The following FCHSD1 variants were observed in gnomAD, a reference collection of about 807,000 sequenced individuals.
The protein encoded by FCHSD1 is FCH and double SH3 domains 1.
A neutral mutation model predicts 101.3 loss-of-function variants in FCHSD1; 109 were observed. The ratio of observed to expected loss-of-function variants is 1.08; its 90% CI spans 0.92 to 1.26. FCHSD1 has a LOEUF of 1.26. Among genes scored for constraint, FCHSD1 ranks in the 50% most tolerant of loss-of-function variants. FCHSD1 has a pLI of 0.00. For synonymous variants in FCHSD1, 291 were observed against 356.8 expected (o/e 0.82, Z 2.08); for missense variants, 820 against 895.8 (o/e 0.92, Z 1.08).
At position 141,642,517 on chromosome 5, in the gene FCHSD1, T is replaced by G. The variant is rs1347779260; in HGVS notation, c.1951+484A>C. On this transcript the variant is annotated intron_variant, in intron 18 of 19. Transcript: ENST00000435817. ...TACCTCCTGAATCTAAAATAAATAATAAAATAAAACTGCTATAGACATTTA... is the reference window on the plus strand; with the variant it reads ...TACCTCCTGAATCTAAAATAAATAAGAAAATAAAACTGCTATAGACATTTA... The G allele has an allele frequency of 1.3e-5, 7 of 538,762 alleles. No homozygotes were observed. The South Asian group carries it at 1.6e-4, about 12-fold the overall frequency. The allele number at this position is 538,762 out of a possible 1,614,324, so 33.4% of individuals were successfully genotyped here.
chr5:141,645,123 AAGTC>A lies in FCHSD1; in HGVS notation c.1333_1336del (p.Asp445LeufsTer42), dbSNP rs556405536. The A allele has an allele frequency of 2.5e-3, 3,839 of 1,562,282 alleles. 14 individuals carry two copies. Among genetic ancestry groups the A allele is most frequent in the Non-Finnish European group, 2.5e-3 (2,870 of 1,153,514 alleles). On this transcript the variant is annotated frameshift_variant, in exon 14 of 20. Transcript: ENST00000435817. LOFTEE classifies it high-confidence loss of function. Reference sequence around the variant, plus strand: ...CTCTCCCGTCTCCTCACATTCCTCAAAGTCAGAAAGCTCAGCATCCTCAGCCTAG... The same window carrying A: ...CTCTCCCGTCTCCTCACATTCCTCAAAGAAAGCTCAGCATCCTCAGCCTAG...
Position 141,647,420 on chromosome 5 carries a change from C to A in FCHSD1, c.806G>T (p.Arg269Leu), listed in dbSNP as rs368897773. 1.2e-5 allele frequency: 20 copies of A among 1,602,552 alleles called. No homozygotes were observed. The highest frequency in any genetic ancestry group is 1.1e-5 in the South Asian group (1 of 89,962). Reference sequence around the variant, plus strand: ...CACCTGGGAGGTTGTCTGCTCCCCGCGGTGGGCATGCTCCAGGATGACCTC... The same window carrying A: ...CACCTGGGAGGTTGTCTGCTCCCCGAGGTGGGCATGCTCCAGGATGACCTC... ...AAEVILEHAHRGEQTTSQVSW... is the reference protein window; with the variant it reads ...AAEVILEHAHLGEQTTSQVSW... Residue 269 changes from arginine (R) to leucine (L), a missense_variant, in exon 9 of 20, where the codon CGC (arginine) becomes CTC (leucine). Transcript: ENST00000435817.
intron 10 of FCHSD1, 59 bp downstream of exon 10, chr5:141,647,076 G>A (rs2099907757): frequency 1.4e-6 from 2 of 1,442,172 alleles, no homozygotes; most frequent in Admixed American, 4.0e-5. Context: ...TAATGGAGGA[G>A]GCCTAAATCA....
rs879261835 is a variant in FCHSD1 at position 141,640,978 on chromosome 5, C to A, written c.*520G>T. On this transcript the variant is annotated 3_prime_UTR_variant, in exon 20 of 20. Transcript: ENST00000435817. ...CCCCTAAAGCAATAGCACCGTAGGC[C>A]CCCTGCCCTCTTAGCACAAGAGGCC... is the stretch of plus-strand genomic sequence containing the variant. The A allele has an allele frequency of 2.2e-6, 1 of 457,104 alleles. No homozygotes were observed. The allele number at this position is 457,104 out of a possible 1,614,324, so 28.3% of individuals were successfully genotyped here. A position where few individuals can be genotyped will look rare whatever the true frequency, so the allele number is the denominator to read the frequency against.
chr5:141,649,770 T>G lies in FCHSD1; in HGVS notation c.233+117A>C. On this transcript the variant is annotated intron_variant, in intron 4 of 19. Coordinates refer to ENST00000435817, the MANE Select transcript of FCHSD1 (RefSeq NM_033449.3). This position sits in a 1 kb window ranked among gnomAD's most constrained non-coding sequence, Gnocchi z 4.1. Reference sequence around the variant, plus strand: ...GCTCCTCTGCTGCTGCTGTGTCAGCTCTACCTACAGCTCACGTGCCTTCCC... The same window carrying G: ...GCTCCTCTGCTGCTGCTGTGTCAGCGCTACCTACAGCTCACGTGCCTTCCC... 7.7e-7 allele frequency: 1 copy of G among 1,296,990 alleles called. No individual in the cohort carries two copies. The highest frequency in any genetic ancestry group is 1.1e-6 in the Non-Finnish European group (1 of 949,314). The allele number at this position is 1,296,990 out of a possible 1,614,324, so 80.3% of individuals were successfully genotyped here.
At chr5:141,647,563 C>T in intron 8 of FCHSD1, 43 bp from the exon 9 acceptor site, 11 of 1,603,432 alleles carry the variant, frequency 6.9e-6, no homozygotes, top group Non-Finnish European at 9.3e-6. Context: ...TTCCCCCAGA[C>T]CTCTACTGTA....
At chr5:141,643,974 C>T (rs920854791) in intron 17 of FCHSD1, among the ~76,000 whole-genome samples, 1 of 152,152 alleles carries the variant, frequency 6.6e-6, no homozygotes. Context: ...AATCATTGCC[C>T]AAGTCATACA....
At position 141,651,036 on chromosome 5, in the gene FCHSD1, G is replaced by C; in HGVS notation, c.103C>G (p.Leu35Val). 2.5e-6 allele frequency: 4 copies of C among 1,593,762 alleles called. No homozygotes were observed. Among genetic ancestry groups the C allele is most frequent in the Non-Finnish European group, 3.4e-6 (4 of 1,169,650 alleles). Residue 35 changes from leucine (L) to valine (V), a missense_variant, in exon 2 of 20, where the codon CTG becomes GTG. By Grantham distance (32) the Leu-to-Val change is conservative. Transcript: ENST00000435817. ...GGGAGCTACCTGATGTCCTCCAGCA[G>C]ATCCGCCTCCCTCTGCTGCCAGGTC... is the stretch of plus-strand genomic sequence containing the variant. ...LQTWQQREAD[L>V]LEDIRSYSKQ...
intron 16 of FCHSD1, 22 bp from the exon 17 acceptor site, chr5:141,644,460 G>C (rs931652299): frequency 5.0e-6 from 8 of 1,610,584 alleles, no homozygotes; most frequent in South Asian, 2.2e-5. Flanking sequence ...CAGGAGAGAC[G>C]GTGAGAGGGA....
intron 13 of FCHSD1, 62 bp from the exon 14 acceptor site, chr5:141,645,210 A>C: frequency 6.6e-7 from 1 of 1,505,572 alleles, no homozygotes; most frequent in East Asian, 2.3e-5. Flanking sequence ...TCTATCTCCC[A>C]CTCTTCCATC....
At chr5:141,647,055 C>T (rs575676935) in intron 10 of FCHSD1, 80 bp downstream of exon 10, 1 of 1,358,800 alleles carries the variant, frequency 7.4e-7, no homozygotes, top group African/African-American at 1.5e-5. Context: ...TAAGTTAACA[C>T]AAAACAAAGA....
In FCHSD1 at chr5:141,640,022, G is replaced by A. The variant is rs756634349; in HGVS notation, c.*1476C>T. ...GCTCTGGTGGGGGACAGGACCCAGG[G>A]GGTGGTCAGGGGTCTGGGGGAGGGC... On this transcript the variant is annotated 3_prime_UTR_variant, in exon 20 of 20. Coordinates refer to ENST00000435817, the MANE Select transcript of FCHSD1 (RefSeq NM_033449.3). 1.9e-6 allele frequency: 3 copies of A among 1,613,538 alleles called. No homozygotes were observed. The highest frequency in any genetic ancestry group is 2.5e-6 in the Non-Finnish European group (3 of 1,179,766).
Position 141,639,568 on chromosome 5 carries a change from C to A in FCHSD1, c.*1930G>T. On this transcript the variant is annotated 3_prime_UTR_variant, in exon 20 of 20. Transcript: ENST00000435817. The surrounding 1 kb of genome is among the most constrained non-coding windows in gnomAD (Gnocchi z 4.4). ...CTCCATTGCAGCCGCAGCAAGAGGC[C>A]TCCACTTGTCCGTCAGGGACGCTCC... is the stretch of plus-strand genomic sequence containing the variant. 1.2e-6 allele frequency: 2 copies of A among 1,614,060 alleles called. No individual in the cohort carries two copies. The highest frequency in any genetic ancestry group is 1.7e-6 in the Non-Finnish European group (2 of 1,180,014).
rs947392010 is a variant in FCHSD1 at position 141,645,658 on chromosome 5, C to T, written c.1311+113G>A. ...ATATATGATGATTTCACTTAAGCCT[C>T]GTAATAACCCTTTGAGTTAGGCACA... On this transcript the variant is annotated intron_variant, in intron 13 of 19. Transcript: ENST00000435817. The T allele has an allele frequency of 6.3e-6, 8 of 1,279,346 alleles. 1 individual carries two copies. In the South Asian group the frequency reaches 1.3e-4, roughly 20 times the overall value. 79.2% of individuals were successfully genotyped at this position (1,279,346 alleles called of 1,614,324 possible). A position where few individuals can be genotyped will look rare whatever the true frequency, so the allele number is the denominator to read the frequency against.
intron 13 of FCHSD1, 21 bp downstream of exon 13, chr5:141,645,750 A>G: frequency 6.2e-7 from 1 of 1,601,902 alleles, no homozygotes; most frequent in African/African-American, 1.3e-5. Flanking sequence ...AAGGATGGGT[A>G]GTGTTGGGGG....
rs1562381189 is a variant in FCHSD1, at chr5:141,640,312, GGGACT to G, written c.*1181_*1185del. The G allele has an allele frequency of 1.2e-6, 2 of 1,613,742 alleles. No homozygotes were observed. Among genetic ancestry groups the G allele is most frequent in the African/African-American group, 2.7e-5 (2 of 75,038 alleles). ...GATCACCAGGTAGGAAAACACAGCC[GGGACT>G]GCACTGGGCTGGGCTCTTATTGCTC... On this transcript the variant is annotated 3_prime_UTR_variant, in exon 20 of 20. Transcript: ENST00000435817.
chr5:141,647,853 C>T (rs778895888), intron 8 of FCHSD1, 115 bp downstream of exon 8: 37 of 1,420,152 alleles, frequency 2.6e-5, no homozygotes, highest in Non-Finnish European at 3.4e-5. Flanking sequence ...ATCATCTACT[C>T]ACTCTAAACA....
At chr5:141,644,501 C>A in intron 16 of FCHSD1, 63 bp from the exon 17 acceptor site, 2 of 1,606,862 alleles carry the variant, frequency 1.2e-6, no homozygotes, top group Non-Finnish European at 8.5e-7. Flanking sequence ...GACCATGACA[C>A]CCCAGGGCTA....
In FCHSD1 at chr5:141,649,433, C is replaced by G. The variant is rs754750729; in HGVS notation, c.337G>C (p.Gly113Arg). 13 of 1,613,910 alleles carry G rather than the reference C, an allele frequency of 8.1e-6. No homozygotes were observed. Among genetic ancestry groups the G allele is most frequent in the African/African-American group, 2.7e-5 (2 of 74,948 alleles). Reference sequence around the variant, plus strand: ...TGCTCCTTGGCGCTCCGCCCTGTACCCCCTGCTAGGTCACGGTATCGGTCA... The same window carrying G: ...TGCTCCTTGGCGCTCCGCCCTGTACGCCCTGCTAGGTCACGGTATCGGTCA... ...ASDRYRDLAG[G>R]TGRSAKEQVL... Residue 113 changes from glycine to arginine, a missense_variant, in exon 5 of 20, where the codon GGT (glycine) becomes CGT (arginine). Transcript: ENST00000435817. This position sits in a 1 kb window ranked among gnomAD's most constrained non-coding sequence, Gnocchi z 4.1.
Sources: gnomAD v4.1 joint callset for allele counts (sites outside exome capture counted in the v4.1 genomes callset) on GRCh38, gnomAD v4.1.1 for gene constraint, Gnocchi (gnomAD v3.1) non-coding constraint, MANE v1.5 for transcripts, NCBI Gene and HGNC (gene_info 2026-07-23, HGNC 2026-07-21) for gene names.